Variants in ADAM11 observed in about 807,000 individuals in gnomAD.
The protein encoded by ADAM11 is ADAM metallopeptidase domain 11.
In ADAM11, 49 loss-of-function variants were observed where a neutral mutation model predicts 119.1. The ratio of observed to expected loss-of-function variants is 0.41; its 90% CI spans 0.33 to 0.52. ADAM11 has a LOEUF of 0.52. Ranked by LOEUF, ADAM11 falls within the 20% of genes least tolerant of loss-of-function variation. ADAM11 has a pLI of 0.20. For missense variants in ADAM11, 777 were observed against 1,047.5 expected (o/e 0.74, Z 3.56); for synonymous variants, 364 against 408.0 (o/e 0.89, Z 1.30).
chr17:44,771,996 G>A (rs757785288), intron 6 of ADAM11, among the ~76,000 whole-genome samples, 165 bp downstream of exon 6: 2 of 151,920 alleles, frequency 1.3e-5, no homozygotes, highest in African/African-American at 4.8e-5. Flanking sequence ...CTGTGCCCCA[G>A]CTCCCCCTGT....
At chr17:44,763,663 A>G (rs756179730) in intron 2 of ADAM11, among the ~76,000 whole-genome samples, 5 of 151,986 alleles carry the variant, frequency 3.3e-5, no homozygotes, top group African/African-American at 4.8e-5. Flanking sequence ...GCTGAATGCA[A>G]TCTGTGGGCT....
rs1327610511 is a variant in ADAM11, at chr17:44,769,809, G to C, written c.314+15G>C. ...GAGCTGAACCAGTGAGTGTGGCCTT[G>C]AGCCCAAGAGGAAGGGCAGTGGTGG... On this transcript the variant is annotated intron_variant, in intron 3 of 26. Coordinates refer to ENST00000200557, the MANE Select transcript of ADAM11 (RefSeq NM_002390.6). 2 of 1,613,446 alleles carry C rather than the reference G, an allele frequency of 1.2e-6. No individual in the cohort carries two copies. The highest frequency in any genetic ancestry group is 1.7e-6 in the Non-Finnish European group (2 of 1,179,392).
Position 44,777,085 on chromosome 17 carries a change from G to T in ADAM11, c.1682-81G>T. On this transcript the variant is annotated intron_variant, in intron 20 of 26. Transcript: ENST00000200557. The surrounding 1 kb of genome is among the most constrained non-coding windows in gnomAD (Gnocchi z 5.1). The stretch of plus-strand genomic sequence containing the variant: ...GCTCCCCAGGATCTCAGGGACCCAG[G>T]CAGAGTGTGGGAGATGCAGGCCTGA... 6.5e-7 allele frequency: 1 copy of T among 1,541,182 alleles called. No homozygotes were observed. Among genetic ancestry groups the T allele is most frequent in the Non-Finnish European group, 8.8e-7 (1 of 1,136,710 alleles).
chr17:44,772,870 A>ACCCTAC lies in ADAM11; in HGVS notation c.693_698dup (p.Pro232_Thr233dup). The ACCCTAC allele has an allele frequency of 6.2e-7, 1 of 1,602,658 alleles. No homozygotes were observed. The highest frequency in any genetic ancestry group is 8.5e-7 in the Non-Finnish European group (1 of 1,173,766). On this transcript the variant is annotated inframe_insertion, in exon 9 of 27. Transcript: ENST00000200557. The surrounding 1 kb of genome is among the most constrained non-coding windows in gnomAD (Gnocchi z 4.5). Reference sequence around the variant, plus strand: ...CCCACCCCCCAGGTCCGCCGGGGCCACCCTACAGTGCACAGTGAAACCAAG... The same window carrying ACCCTAC: ...CCCACCCCCCAGGTCCGCCGGGGCCACCCTACCCCTACAGTGCACAGTGAAACCAAG...
intron 2 of ADAM11, among the ~76,000 whole-genome samples, chr17:44,762,582 G>A (rs2049402027): frequency 6.6e-6 from 1 of 152,178 alleles, no homozygotes; most frequent in Admixed American, 6.5e-5. Flanking sequence ...CTGGCAGCAA[G>A]ATCTCTGGTC....
Position 44,777,886 on chromosome 17 carries a change from G to A in ADAM11, c.2070+23G>A, listed in dbSNP as rs775782361. 5.1e-5 allele frequency: 82 copies of A among 1,613,450 alleles called. No individual in the cohort carries two copies. Among genetic ancestry groups the A allele is most frequent in the Non-Finnish European group, 6.8e-5 (80 of 1,179,978 alleles). ...GGGGTGACTGCCTGGAGCCTGGGAT[G>A]GCGGGAGAAGCTTACAAGAGGGGAC... On this transcript the variant is annotated intron_variant, in intron 23 of 26. Coordinates refer to ENST00000200557, the MANE Select transcript of ADAM11 (RefSeq NM_002390.6). The surrounding 1 kb of genome is among the most constrained non-coding windows in gnomAD (Gnocchi z 5.1).
Position 44,776,330 on chromosome 17 carries a change from T to A in ADAM11, c.1566+123T>A, listed in dbSNP as rs2049601258. The A allele has an allele frequency of 3.1e-6, 3 of 965,132 alleles. No individual in the cohort carries two copies. Among genetic ancestry groups the A allele is most frequent in the Non-Finnish European group, 4.7e-6 (3 of 632,432 alleles). The allele number at this position is 965,132 out of a possible 1,614,324, so 59.8% of individuals were successfully genotyped here. A position where few individuals can be genotyped will look rare whatever the true frequency, so the allele number is the denominator to read the frequency against. ...CTCCACAGCTGGCATCGACCTCCAC[T>A]GATCAGACTGTTTTCTTATCTGAGA... On this transcript the variant is annotated intron_variant, in intron 18 of 26. Transcript: ENST00000200557. The surrounding 1 kb of genome is among the most constrained non-coding windows in gnomAD (Gnocchi z 5.2).
chr17:44,763,376 C>T (rs1187183424), intron 2 of ADAM11, among the ~76,000 whole-genome samples: 1 of 152,220 alleles, frequency 6.6e-6, no homozygotes, highest in Admixed American at 6.5e-5. Context: ...AGGGCTCTCA[C>T]CCAGCACGCT....
chr17:44,778,609 T>C lies in ADAM11; in HGVS notation c.2276+367T>C, dbSNP rs1353134203. Among the ~76,000 whole-genome samples, 6 of 140,026 alleles carry C rather than the reference T, an allele frequency of 4.3e-5. No homozygotes were observed. In the Admixed American group the frequency reaches 4.9e-4, roughly 11 times the overall value. 91.9% of individuals were successfully genotyped at this position (140,026 alleles called of 152,430 possible). ...TGCGAGGCTGAGGCAGAGAATTGCT[T>C]GAACCGGGGAGGTGGAGGTTGCAGT... On this transcript the variant is annotated intron_variant, in intron 25 of 26. Coordinates refer to ENST00000200557, the MANE Select transcript of ADAM11 (RefSeq NM_002390.6).
intron 6 of ADAM11, 30 bp downstream of exon 6, chr17:44,771,861 C>T (rs773597747): frequency 1.5e-5 from 23 of 1,582,434 alleles, no homozygotes; most frequent in Admixed American, 3.6e-5. Flanking sequence ...TTGCCATCCT[C>T]TCTGGTGGCC....
At chr17:44,779,621 C>A in intron 26 of ADAM11, 118 bp from the exon 27 acceptor site, 1 of 1,494,324 alleles carries the variant, frequency 6.7e-7, no homozygotes, top group South Asian at 1.4e-5. Flanking sequence ...CCTTCCCTGG[C>A]CAGCCTGTGA....
Position 44,777,303 on chromosome 17 carries a change from G to A in ADAM11, c.1781+38G>A. The A allele has an allele frequency of 6.4e-6, 10 of 1,572,940 alleles. No homozygotes were observed. The highest frequency in any genetic ancestry group is 8.6e-6 in the Non-Finnish European group (10 of 1,158,794). On this transcript the variant is annotated intron_variant, in intron 21 of 26. Transcript: ENST00000200557. The surrounding 1 kb of genome is among the most constrained non-coding windows in gnomAD (Gnocchi z 5.1). The stretch of plus-strand genomic sequence containing the variant: ...GCTCCCAGAGGGCCTCTCAGCTCCA[G>A]GGCAGGTGTGAGACTTTTCAGAGAT...
Position 44,774,485 on chromosome 17 carries a change from C to A in ADAM11, c.1078-7C>A, listed in dbSNP as rs745441826. 1.2e-6 allele frequency: 2 copies of A among 1,612,394 alleles called. No homozygotes were observed. Among genetic ancestry groups the A allele is most frequent in the Middle Eastern group, 1.7e-4 (1 of 6,058 alleles). ...AGACATCTGTGCCCCATCTTCCCCA[C>A]CCCCAGTACGGCAACATGGGGGCGA... On this transcript the variant is annotated splice_polypyrimidine_tract_variant and splice_region_variant and intron_variant, in intron 12 of 26. Coordinates refer to ENST00000200557, the MANE Select transcript of ADAM11 (RefSeq NM_002390.6).
intron 2 of ADAM11, among the ~76,000 whole-genome samples, chr17:44,765,355 AG>A: frequency 6.6e-6 from 1 of 152,088 alleles, no homozygotes; most frequent in East Asian, 1.9e-4. Flanking sequence ...GATTCCAGAA[AG>A]ATGTCCTCAG....
Position 44,774,484 on chromosome 17 carries a change from A to AC in ADAM11, c.1078-3dup. On this transcript the variant is annotated splice_polypyrimidine_tract_variant and splice_region_variant and intron_variant, in intron 12 of 26. Coordinates refer to ENST00000200557, the MANE Select transcript of ADAM11 (RefSeq NM_002390.6). ...TAGACATCTGTGCCCCATCTTCCCC[A>AC]CCCCCAGTACGGCAACATGGGGGCG... 1.2e-6 allele frequency: 2 copies of AC among 1,611,940 alleles called. No individual in the cohort carries two copies. Among genetic ancestry groups the AC allele is most frequent in the Non-Finnish European group, 1.7e-6 (2 of 1,179,358 alleles).
chr17:44,760,246 G>C, intron 2 of ADAM11, among the ~76,000 whole-genome samples: 1 of 152,214 alleles, frequency 6.6e-6, no homozygotes, highest in East Asian at 1.9e-4. Context: ...CAAGTTGGGG[G>C]CAGGGAGAGG....
chr17:44,769,751 C>A lies in ADAM11; in HGVS notation c.271C>A (p.Pro91Thr), dbSNP rs761926546. Residue 91 changes from proline to threonine, a missense_variant, in exon 3 of 27, where the codon CCA becomes ACA. By Grantham distance (38) the Pro-to-Thr change is conservative. Coordinates refer to ENST00000200557, the MANE Select transcript of ADAM11 (RefSeq NM_002390.6). ...TCTGGCCCAGGTGAGTTTCGTCATCCCAGCCTTCAACTCAAACTTCACCCT... is the reference window on the plus strand; with the variant it reads ...TCTGGCCCAGGTGAGTTTCGTCATCACAGCCTTCAACTCAAACTTCACCCT... ...VHLAQVSFVI[P>T]AFNSNFTLDL... The A allele has an allele frequency of 1.2e-6, 2 of 1,614,036 alleles. No homozygotes were observed. The highest frequency in any genetic ancestry group is 2.7e-5 in the African/African-American group (2 of 74,942).
At chr17:44,761,917 G>C (rs1363714688) in intron 2 of ADAM11, among the ~76,000 whole-genome samples, 1 of 152,086 alleles carries the variant, frequency 6.6e-6, no homozygotes, top group African/African-American at 2.4e-5. Flanking sequence ...CCACCTCCCG[G>C]GTTCAAGCAA....
chr17:44,772,172 G>C lies in ADAM11; in HGVS notation c.544-95G>C. The C allele has an allele frequency of 1.7e-6, 2 of 1,199,848 alleles. No individual in the cohort carries two copies. Among genetic ancestry groups the C allele is most frequent in the Non-Finnish European group, 2.4e-6 (2 of 839,974 alleles). 74.3% of individuals were successfully genotyped at this position (1,199,848 alleles called of 1,614,324 possible). On this transcript the variant is annotated intron_variant, in intron 6 of 26. Coordinates refer to ENST00000200557, the MANE Select transcript of ADAM11 (RefSeq NM_002390.6). This position sits in a 1 kb window ranked among gnomAD's most constrained non-coding sequence, Gnocchi z 4.5. ...TGTGGCCAGTTCTGGGTCACCCCAGGGTGGGGTGGAGGCGAGGGCTGGATC... is the reference window on the plus strand; with the variant it reads ...TGTGGCCAGTTCTGGGTCACCCCAGCGTGGGGTGGAGGCGAGGGCTGGATC...
Sources: allele counts gnomAD v4.1 joint callset (sites outside exome capture counted in the v4.1 genomes callset), GRCh38; gene constraint gnomAD v4.1.1; non-coding constraint Gnocchi (gnomAD v3.1); transcripts MANE v1.5; gene names NCBI Gene and HGNC (gene_info 2026-07-23, HGNC 2026-07-21).